RBFOX1: variants seen among roughly 807,000 people sequenced by gnomAD.
RBFOX1 encodes RNA binding protein fox-1 homolog 1.
In RBFOX1, 8 loss-of-function variants were observed where a neutral mutation model predicts 57.7. The ratio of observed to expected loss-of-function variants is 0.14; its 90% CI spans 0.08 to 0.25. The LOEUF (loss-of-function observed/expected upper bound fraction) is 0.25, where lower values mean the gene tolerates loss of function less well. Ranked by LOEUF, RBFOX1 falls within the 10% of genes least tolerant of loss-of-function variation. The probability of loss-of-function intolerance (pLI) is 1.00; values close to 1 mark genes in which losing one functional copy is unlikely to be tolerated. For synonymous variants in RBFOX1, 326 were observed against 222.4 expected, an observed-to-expected ratio of 1.47 and a Z score of -4.15; for missense variants, 611 against 548.5, an observed-to-expected ratio of 1.11 and a Z score of -1.14.
intron 1 of RBFOX1, among the ~76,000 whole-genome samples, chr16:5,319,191 A>G (rs973310867): frequency 3.3e-5 from 5 of 152,280 alleles, no homozygotes; most frequent in East Asian, 3.9e-4. Context: ...CTTATTGCAG[A>G]ATAGGTCAGA....
rs150124092 is a variant in RBFOX1, at chr16:6,101,601, C to G, written c.-127+81609C>G. Among the ~76,000 whole-genome samples, 316 of 152,234 alleles carry G rather than the reference C, an allele frequency of 2.1e-3. 1 individual carries two copies. Among genetic ancestry groups the G allele is most frequent in the African/African-American group, 4.9e-3 (204 of 41,520 alleles). On this transcript the variant is annotated intron_variant, in intron 1 of 15. Coordinates refer to ENST00000550418, the MANE Select transcript of RBFOX1 (RefSeq NM_018723.4). ...TCCCAGGTTCAAGTGATACTCCTGC[C>G]TCACCCTCCGGAGTAGCTGGGATTA...
chr16:5,683,030 C>T (rs367885786), intron 3 of RBFOX1, among the ~76,000 whole-genome samples: 1 of 151,992 alleles, frequency 6.6e-6, no homozygotes, highest in Non-Finnish European at 1.5e-5. Context: ...TGGGGAGAAT[C>T]AGAGTGTCCA....
chr16:5,703,264 G>T (rs1057187463), intron 3 of RBFOX1, among the ~76,000 whole-genome samples: 6 of 152,202 alleles, frequency 3.9e-5, no homozygotes. Context: ...TAAGGGCATT[G>T]GGAAAAGGCT....
At chr16:7,377,102 C>T (rs2097698956) in intron 4 of RBFOX1, among the ~76,000 whole-genome samples, 1 of 152,112 alleles carries the variant, frequency 6.6e-6, no homozygotes, top group Admixed American at 6.6e-5. Context: ...TTCATGATAT[C>T]TTACATGAAG....
intron 4 of RBFOX1, among the ~76,000 whole-genome samples, chr16:7,103,027 GTCTA>G (rs137909738): frequency 0.023 from 3,504 of 151,340 alleles, 130 homozygotes; most frequent in African/African-American, 0.08. Context: ...ACGTCTATTT[GTCTA>G]TCTATTTCCA....
intron 3 of RBFOX1, among the ~76,000 whole-genome samples, chr16:6,964,869 C>G (rs1049579855): frequency 6.6e-6 from 1 of 152,142 alleles, no homozygotes; most frequent in Non-Finnish European, 1.5e-5. Context: ...CTGTGTGACC[C>G]TGGGCAAGTC....
intron 3 of RBFOX1, among the ~76,000 whole-genome samples, chr16:5,789,501 A>G (rs1334227196): frequency 6.6e-6 from 1 of 152,092 alleles, no homozygotes; most frequent in Non-Finnish European, 1.5e-5. Context: ...AAGTTTTAAG[A>G]TGTTACTATA....
chr16:6,379,124 C>A (rs1011891572), intron 2 of RBFOX1, among the ~76,000 whole-genome samples: 3 of 151,938 alleles, frequency 2.0e-5, no homozygotes, highest in Admixed American at 1.3e-4. Flanking sequence ...GGGTGACTTG[C>A]CGAAAATAAA....
At chr16:6,811,616 A>G (rs1294551195) in intron 3 of RBFOX1, among the ~76,000 whole-genome samples, 1 of 152,164 alleles carries the variant, frequency 6.6e-6, no homozygotes, top group African/African-American at 2.4e-5. Context: ...GAGGCCAGTT[A>G]CGGTGCCTCA....
chr16:6,800,030 C>T (rs2085006148), intron 3 of RBFOX1, among the ~76,000 whole-genome samples: 1 of 152,202 alleles, frequency 6.6e-6, no homozygotes, highest in Non-Finnish European at 1.5e-5. Flanking sequence ...TCTGGAGAAC[C>T]CTAATACACC....
intron 1 of RBFOX1, among the ~76,000 whole-genome samples, chr16:6,163,617 T>C (rs1471630599): frequency 1.3e-5 from 2 of 152,184 alleles, no homozygotes; most frequent in African/African-American, 4.8e-5. Context: ...AGTCTCTTGG[T>C]GTCTTAGCCT....
At chr16:5,821,288 CTTTTTTTAT>C (rs1322214196) in intron 3 of RBFOX1, among the ~76,000 whole-genome samples, 3 of 125,482 alleles carry the variant, frequency 2.4e-5, no homozygotes, top group Non-Finnish European at 5.0e-5. Context: ...GTCATTCTCT[CTTTTTTTAT>C]TTTTTTTTTT....
At chr16:6,178,966 G>A (rs774753801) in intron 1 of RBFOX1, among the ~76,000 whole-genome samples, 3 of 152,178 alleles carry the variant, frequency 2.0e-5, no homozygotes, top group Non-Finnish European at 4.4e-5. Flanking sequence ...CTTAGAAGAT[G>A]AGTTGTCTCA....
chr16:7,185,344 A>G (rs564121730), intron 4 of RBFOX1, among the ~76,000 whole-genome samples: 1 of 152,304 alleles, frequency 6.6e-6, no homozygotes, highest in South Asian at 2.1e-4. Context: ...GTTTAATCAC[A>G]GAATCTCAGC....
intron 4 of RBFOX1, among the ~76,000 whole-genome samples, chr16:7,270,265 G>A (rs1462752992): frequency 6.6e-6 from 1 of 152,180 alleles, no homozygotes; most frequent in Non-Finnish European, 1.5e-5. Context: ...CAGCCTCATT[G>A]AAGTAATTCA....
At chr16:6,827,871 G>C (rs571050598) in intron 3 of RBFOX1, among the ~76,000 whole-genome samples, 20 of 152,294 alleles carry the variant, frequency 1.3e-4, no homozygotes, top group Non-Finnish European at 1.9e-4. Flanking sequence ...AGAGCACTGG[G>C]CTATTCTCCT....
At chr16:7,270,732 T>C (rs1426328369) in intron 4 of RBFOX1, among the ~76,000 whole-genome samples, 1 of 152,364 alleles carries the variant, frequency 6.6e-6, no homozygotes, top group South Asian at 2.1e-4. Flanking sequence ...AGTAATTGAC[T>C]GCATCTGATT....
intron 5 of RBFOX1, among the ~76,000 whole-genome samples, chr16:7,534,829 A>C (rs1310302895): frequency 6.6e-6 from 1 of 152,152 alleles, no homozygotes. Context: ...GGGCTGCTCA[A>C]ACGTCTTGAC....
intron 4 of RBFOX1, among the ~76,000 whole-genome samples, chr16:7,098,018 G>C (rs987110214): frequency 6.6e-6 from 1 of 152,158 alleles, no homozygotes; most frequent in Non-Finnish European, 1.5e-5. Context: ...TGACTTAAAT[G>C]AGCTCAGTGA....
Sources: allele counts gnomAD v4.1 joint callset (sites outside exome capture counted in the v4.1 genomes callset), GRCh38; gene constraint gnomAD v4.1.1; transcripts MANE v1.5; gene names NCBI Gene and HGNC (gene_info 2026-07-23, HGNC 2026-07-21).